KCNH1: variants seen among roughly 807,000 people sequenced by gnomAD.
KCNH1 encodes the protein voltage-gated delayed rectifier potassium channel KCNH1.
In KCNH1, 27 loss-of-function variants were observed where a neutral mutation model predicts 69.2. The observed-to-expected ratio is 0.39, with a 90% CI of 0.29 to 0.54. KCNH1 has a LOEUF of 0.54. KCNH1 is among the 20% of genes least tolerant of loss of function. KCNH1 has a pLI of 0.68. For synonymous variants in KCNH1, 456 were observed against 487.7 expected, an observed-to-expected ratio of 0.93 and a Z score of 0.86; for missense variants, 798 against 1,261.6, an observed-to-expected ratio of 0.63 and a Z score of 5.57.
At chr1:211,125,387 C>A (rs537692105) in intron 1 of KCNH1, among the ~76,000 whole-genome samples, 1 of 152,228 alleles carries the variant, frequency 6.6e-6, no homozygotes, top group African/African-American at 2.4e-5. Flanking sequence ...ATGATGATGG[C>A]ATAGAAGTCT....
At chr1:210,831,933 G>A (rs1337994643) in intron 7 of KCNH1, among the ~76,000 whole-genome samples, 2 of 152,142 alleles carry the variant, frequency 1.3e-5, no homozygotes, top group Admixed American at 6.6e-5. Flanking sequence ...TGGCTCTTGA[G>A]TCCTTGAAAT....
intron 10 of KCNH1, among the ~76,000 whole-genome samples, chr1:210,693,825 G>A (rs180861849): frequency 6.6e-6 from 1 of 152,274 alleles, no homozygotes; most frequent in Non-Finnish European, 1.5e-5. Context: ...TTGCAGCCTT[G>A]TGGGTATCCC....
intron 10 of KCNH1, among the ~76,000 whole-genome samples, chr1:210,772,129 C>T (rs1041856330): frequency 2.0e-5 from 3 of 152,212 alleles, no homozygotes; most frequent in African/African-American, 7.2e-5. Flanking sequence ...CCAATTCTTT[C>T]ATCCCAACCC....
intron 10 of KCNH1, among the ~76,000 whole-genome samples, chr1:210,696,203 C>T (rs1230049667): frequency 6.6e-6 from 1 of 152,178 alleles, no homozygotes; most frequent in Non-Finnish European, 1.5e-5. Flanking sequence ...GGTCCTGGCA[C>T]AAGATATGCA....
rs569906134 is a variant in KCNH1, at chr1:211,078,084, A to G, written c.558+4696T>C. 1.2e-4 allele frequency among the ~76,000 whole-genome samples: 18 copies of G among 152,324 alleles called. No individual in the cohort carries two copies. The East Asian group carries it at 3.5e-3, about 29-fold the overall frequency. ...GAAGAGCTAACTATTCTAAATATAT[A>G]TTCACCCAATACAGGAGCACCCAGA... On this transcript the variant is annotated intron_variant, in intron 5 of 10. Coordinates refer to ENST00000271751, the MANE Select transcript of KCNH1 (RefSeq NM_172362.3).
chr1:210,859,362 C>G, intron 7 of KCNH1: 1 of 1,526,358 alleles, frequency 6.6e-7, no homozygotes, highest in South Asian at 1.1e-5. Context: ...GACCCTGATC[C>G]CACACAGGAT....
intron 3 of KCNH1, among the ~76,000 whole-genome samples, chr1:211,095,515 G>A (rs1199430045): frequency 6.6e-6 from 1 of 152,192 alleles, no homozygotes; most frequent in Non-Finnish European, 1.5e-5. Flanking sequence ...TGGCTTTGAG[G>A]TTCCTCAGCC....
intron 5 of KCNH1, among the ~76,000 whole-genome samples, chr1:211,080,083 C>T (rs1260913450): frequency 2.0e-5 from 3 of 152,240 alleles, no homozygotes; most frequent in African/African-American, 7.2e-5. Context: ...CGTCTCAGCC[C>T]AAAATCTCCT....
chr1:210,936,472 A>G (rs1191102518), intron 6 of KCNH1, among the ~76,000 whole-genome samples: 1 of 152,200 alleles, frequency 6.6e-6, no homozygotes, highest in African/African-American at 2.4e-5. Context: ...CATCTTCCAA[A>G]GAAGTGCTAT....
rs1305356803 is a variant in KCNH1 at position 210,679,173 on chromosome 1, TGAA to T, written c.*4105_*4107del. 2.0e-5 allele frequency: 3 copies of T among 152,122 alleles called. No homozygotes were observed. Among genetic ancestry groups the T allele is most frequent in the Non-Finnish European group, 4.4e-5 (3 of 68,036 alleles). 9.4% of individuals were successfully genotyped at this position (152,122 alleles called of 1,614,324 possible). A position where few individuals can be genotyped will look rare whatever the true frequency, so the allele number is the denominator to read the frequency against. ...CCCAGGTGGAGGGCACAGGAGCTGG[TGAA>T]GGTAATTTTTAATTGAAGCGAGTGA... On this transcript the variant is annotated 3_prime_UTR_variant, in exon 11 of 11. Coordinates refer to ENST00000271751, the MANE Select transcript of KCNH1 (RefSeq NM_172362.3).
At chr1:210,755,644 GATACCGGGTTCCTCTTTTCC>G (rs150492009) in intron 10 of KCNH1, among the ~76,000 whole-genome samples, 4,104 of 152,320 alleles carry the variant, frequency 0.027, 114 homozygotes, top group East Asian at 0.14. Flanking sequence ...ATACAGAGCA[GATACCGGGTTCCTCTTTTCC>G]ATAAATATTT....
chr1:210,768,239 T>C (rs1237049615), intron 10 of KCNH1, among the ~76,000 whole-genome samples: 2 of 152,192 alleles, frequency 1.3e-5, no homozygotes, highest in Non-Finnish European at 2.9e-5. Context: ...ATTATAGCCA[T>C]ATAAACATTG....
intron 6 of KCNH1, among the ~76,000 whole-genome samples, chr1:210,949,021 C>T (rs1688015214): frequency 6.6e-6 from 1 of 152,018 alleles, no homozygotes; most frequent in African/African-American, 2.4e-5. Context: ...CATGGGGTGT[C>T]CAAAAACAAA....
At chr1:210,799,698 A>G (rs1222755526) in intron 8 of KCNH1, among the ~76,000 whole-genome samples, 2 of 152,354 alleles carry the variant, frequency 1.3e-5, no homozygotes, top group Middle Eastern at 3.4e-3. Flanking sequence ...AAACATGTTC[A>G]GTGATGACGT....
At chr1:211,128,476 A>G (rs910157036) in intron 1 of KCNH1, among the ~76,000 whole-genome samples, 2 of 152,052 alleles carry the variant, frequency 1.3e-5, no homozygotes, top group African/African-American at 2.4e-5. Flanking sequence ...AACTGGTAAA[A>G]TTATGAGGAA....
chr1:211,082,891 C>A lies in KCNH1; in HGVS notation c.447G>T (p.Gly149=). 1 of 1,613,242 alleles carries A rather than the reference C, an allele frequency of 6.2e-7. No homozygotes were observed. The highest frequency in any genetic ancestry group is 8.5e-7 in the Non-Finnish European group (1 of 1,179,490). Residue 149 remains glycine, a synonymous_variant, in exon 5 of 11, where the codon GGG becomes GGT. Transcript: ENST00000271751. ...GTGCTCTTGTCAGCCGAGCAAACTTCCCCCAGCCTGAAGCAAGTGGAAGAG... is the reference window on the plus strand; with the variant it reads ...GTGCTCTTGTCAGCCGAGCAAACTTACCCCAGCCTGAAGCAAGTGGAAGAG... ...PIEDDSCKGW[G]KFARLTRALT... is the part of the protein sequence containing the mutation.
rs199564909 is a variant in KCNH1 at position 210,961,250 on chromosome 1, A to AT, written c.1033-41182_1033-41181insA. ...GTTTTCATTAGATACACGACTTGCA[A>AT]ATTTTTTTTTTTCCCAGCATGAGGC... is the stretch of plus-strand genomic sequence containing the variant. On this transcript the variant is annotated intron_variant, in intron 6 of 10. Coordinates refer to ENST00000271751, the MANE Select transcript of KCNH1 (RefSeq NM_172362.3). Among the ~76,000 whole-genome samples, 296 of 150,676 alleles carry AT rather than the reference A, an allele frequency of 2.0e-3. 1 individual carries two copies. Among genetic ancestry groups the AT allele is most frequent in the African/African-American group, 6.6e-3 (270 of 40,812 alleles).
At chr1:210,750,486 T>A (rs543896449) in intron 10 of KCNH1, among the ~76,000 whole-genome samples, 1 of 152,220 alleles carries the variant, frequency 6.6e-6, no homozygotes, top group Admixed American at 6.5e-5. Context: ...AAATCAGACA[T>A]AATTTTGGGT....
intron 6 of KCNH1, among the ~76,000 whole-genome samples, chr1:210,962,222 G>T (rs1269598162): frequency 6.6e-6 from 1 of 152,194 alleles, no homozygotes; most frequent in South Asian, 2.1e-4. Flanking sequence ...GCCTCTTCAG[G>T]CAGTAAGCCA....
Sources: allele counts gnomAD v4.1 joint callset (sites outside exome capture counted in the v4.1 genomes callset), GRCh38; gene constraint gnomAD v4.1.1; transcripts MANE v1.5; gene names NCBI Gene and HGNC (gene_info 2026-07-23, HGNC 2026-07-21).